Variants in ABCA5 observed in about 807,000 individuals in gnomAD.
ABCA5 encodes cholesterol transporter ABCA5.
Under a neutral mutation model 206.0 loss-of-function variants are expected in ABCA5, and 163 were observed. The ratio of observed to expected loss-of-function variants is 0.79; its 90% CI spans 0.70 to 0.90. The LOEUF (loss-of-function observed/expected upper bound fraction) is 0.90, where lower values mean the gene tolerates loss of function less well. ABCA5 is among the 40% of genes least tolerant of loss of function. The pLI is 0.00. For synonymous variants in ABCA5, 609 were observed against 613.8 expected, an observed-to-expected ratio of 0.99 and a Z score of 0.11; for missense variants, 1,859 against 1,912.9, an observed-to-expected ratio of 0.97 and a Z score of 0.53.
At chr17:69,281,475 A>G (rs2075393164) in intron 18 of ABCA5, among the ~76,000 whole-genome samples, 1 of 152,202 alleles carries the variant, frequency 6.6e-6, no homozygotes, top group African/African-American at 2.4e-5. Context: ...GGGTGAACTA[A>G]AAGCAGAATG....
At chr17:69,289,492 ATG>A (rs2075500588) in intron 13 of ABCA5, among the ~76,000 whole-genome samples, 196 bp from the exon 14 acceptor site, 1 of 152,186 alleles carries the variant, frequency 6.6e-6, no homozygotes, top group Non-Finnish European at 1.5e-5. Context: ...ATATATAATT[ATG>A]AAAACAACAG....
At chr17:69,278,569 T>C (rs1050389143) in intron 18 of ABCA5, among the ~76,000 whole-genome samples, 1 of 152,204 alleles carries the variant, frequency 6.6e-6, no homozygotes, top group African/African-American at 2.4e-5. Flanking sequence ...AGGTTGTACA[T>C]GATCAATGAC....
rs1197147469 is a variant in ABCA5, at chr17:69,253,650, A to C, written c.4338T>G (p.Ser1446Arg). 6.2e-7 allele frequency: 1 copy of C among 1,613,536 alleles called. No homozygotes were observed. Among genetic ancestry groups the C allele is most frequent in the Non-Finnish European group, 8.5e-7 (1 of 1,179,728 alleles). The part of the protein sequence containing the change: ...GIKRKLCFAL[S>R]MLGNPQITLL... ...AAGTAATCTGAGGATTCCCTAGCAT[A>C]CTTAGAGCAAAACACAACTACATGG... Residue 1446 changes from serine to arginine, a missense_variant, in exon 34 of 39, where the codon AGT becomes AGG. Transcript: ENST00000392676.
At position 69,245,139 on chromosome 17, in the gene ABCA5, T is replaced by A. The variant is rs1228155397; in HGVS notation, c.*2398A>T. The A allele has an allele frequency of 3.3e-5, 5 of 151,456 alleles. No individual in the cohort carries two copies. Among genetic ancestry groups the A allele is most frequent in the African/African-American group, 1.2e-4 (5 of 41,314 alleles). 9.4% of individuals were successfully genotyped at this position (151,456 alleles called of 1,614,324 possible). On this transcript the variant is annotated 3_prime_UTR_variant, in exon 39 of 39. Transcript: ENST00000392676. ...TTTGTGCAAATTTAAAAGAAAAAAA[T>A]TATTTTAAAGAAAACCCACTGTCTT...
chr17:69,285,866 T>C (rs550926830), intron 17 of ABCA5, 32 bp downstream of exon 17: 2 of 1,587,640 alleles, frequency 1.3e-6, no homozygotes, highest in South Asian at 2.3e-5. Context: ...GGATCCCAGT[T>C]CAAACACCAA....
intron 35 of ABCA5, 59 bp downstream of exon 35, chr17:69,251,688 A>G: frequency 6.5e-7 from 1 of 1,549,068 alleles, no homozygotes. Context: ...TGAAATGATG[A>G]CTTTCAAAAT....
rs1030575836 is a variant in ABCA5, at chr17:69,248,165, G to A, written c.4821+97C>T. ...ATCATTCTGTACCAATTTGTCACTG[G>A]TTTACGATATCTCTCCCTCTCTAAT... On this transcript the variant is annotated intron_variant, in intron 38 of 38. Coordinates refer to ENST00000392676, the MANE Select transcript of ABCA5 (RefSeq NM_172232.4). 21 of 692,370 alleles carry A rather than the reference G, an allele frequency of 3.0e-5. No homozygotes were observed. In the African/African-American group the frequency reaches 3.7e-4, roughly 12 times the overall value. 42.9% of individuals were successfully genotyped at this position (692,370 alleles called of 1,614,324 possible).
intron 9 of ABCA5, among the ~76,000 whole-genome samples, 165 bp from the exon 10 acceptor site, chr17:69,297,524 A>G (rs2075597281): frequency 6.6e-6 from 1 of 152,142 alleles, no homozygotes; most frequent in South Asian, 2.1e-4. Flanking sequence ...TACAATTTTC[A>G]TTTGTCATTG....
At chr17:69,297,067 T>C (rs781185805) in intron 10 of ABCA5, 124 bp downstream of exon 10, 64 of 898,992 alleles carry the variant, frequency 7.1e-5, no homozygotes, top group Non-Finnish European at 1.0e-4. Flanking sequence ...CCCTTATTAA[T>C]GTTTTAAAAT....
At chr17:69,325,141 C>CAAAAAAAAAAA (rs11320196) in intron 1 of ABCA5, among the ~76,000 whole-genome samples, 7 of 118,108 alleles carry the variant, frequency 5.9e-5, no homozygotes, top group Non-Finnish European at 1.1e-4. Flanking sequence ...CTGTCTCTAC[C>CAAAAAAAAAAA]AAAAAAAAAA....
At chr17:69,284,110 C>T (rs1598176655) in intron 17 of ABCA5, 38 bp from the exon 18 acceptor site, 2 of 1,428,582 alleles carry the variant, frequency 1.4e-6, no homozygotes, top group Non-Finnish European at 1.9e-6. Flanking sequence ...TATCTTTAAG[C>T]ATATTATCAT....
At chr17:69,297,901 G>A (rs2075600424) in intron 9 of ABCA5, among the ~76,000 whole-genome samples, 1 of 152,110 alleles carries the variant, frequency 6.6e-6, no homozygotes. Context: ...GGTATACAAT[G>A]AGGCCAGGCA....
intron 23 of ABCA5, 88 bp downstream of exon 23, chr17:69,267,855 T>C: frequency 1.7e-6 from 1 of 592,244 alleles, no homozygotes; most frequent in Non-Finnish European, 3.0e-6. Flanking sequence ...GAAATAACAA[T>C]TATACTAAGC....
At chr17:69,279,371 G>A (rs918634081) in intron 18 of ABCA5, among the ~76,000 whole-genome samples, 3 of 152,184 alleles carry the variant, frequency 2.0e-5, no homozygotes, top group Non-Finnish European at 2.9e-5. Context: ...TGCTGCTCAA[G>A]GAAATAAAAG....
intron 2 of ABCA5, 88 bp downstream of exon 2, chr17:69,314,226 A>G: frequency 1.7e-6 from 1 of 592,188 alleles, no homozygotes; most frequent in East Asian, 3.5e-5. Context: ...ATAAAAATAT[A>G]TTTAGCAAAA....
chr17:69,247,900 T>G (rs1177735645), intron 38 of ABCA5, among the ~76,000 whole-genome samples: 1 of 152,050 alleles, frequency 6.6e-6, no homozygotes, highest in Non-Finnish European at 1.5e-5. Context: ...AATACACTAA[T>G]GTGAAACACC....
intron 15 of ABCA5, 133 bp from the exon 16 acceptor site, chr17:69,286,444 G>C: frequency 1.3e-6 from 1 of 754,824 alleles, no homozygotes; most frequent in Non-Finnish European, 2.1e-6. Flanking sequence ...AGTCTTATGA[G>C]GATGGTACTA....
chr17:69,288,170 T>C (rs1308343328), intron 14 of ABCA5, among the ~76,000 whole-genome samples: 1 of 152,078 alleles, frequency 6.6e-6, no homozygotes, highest in Admixed American at 6.6e-5. Flanking sequence ...AACATGGTGG[T>C]GGTGGCTGAG....
intron 4 of ABCA5, 49 bp from the exon 5 acceptor site, chr17:69,308,417 G>C: frequency 7.7e-7 from 1 of 1,292,670 alleles, no homozygotes; most frequent in Non-Finnish European, 1.1e-6. Context: ...ACATGCAAGT[G>C]CATCGTTTTA....
Sources: gnomAD v4.1 joint callset for allele counts (sites outside exome capture counted in the v4.1 genomes callset) on GRCh38, gnomAD v4.1.1 for gene constraint, MANE v1.5 for transcripts, NCBI Gene and HGNC (gene_info 2026-07-23, HGNC 2026-07-21) for gene names.